CGNL1: variants seen among roughly 807,000 people sequenced by gnomAD.
CGNL1 encodes cingulin like 1, also known as cingulin-like protein 1.
CGNL1 carries 132 observed loss-of-function variants against 141.2 expected under a neutral mutation model. The observed-to-expected ratio is 0.93, with a 90% CI of 0.81 to 1.08. The LOEUF (loss-of-function observed/expected upper bound fraction) is 1.08. CGNL1 is among the 50% of genes least tolerant of loss of function. The probability of loss-of-function intolerance (pLI) is 0.00; values close to 1 mark genes in which losing one functional copy is unlikely to be tolerated. For synonymous variants in CGNL1, 690 were observed against 622.1 expected, an observed-to-expected ratio of 1.11 and a Z score of -1.63; for missense variants, 1,870 against 1,588.6, an observed-to-expected ratio of 1.18 and a Z score of -3.01.
intron 11 of CGNL1, 92 bp from the exon 12 acceptor site, chr15:57,524,489 A>G: frequency 8.5e-7 from 1 of 1,175,214 alleles, no homozygotes; most frequent in Non-Finnish European, 1.2e-6. Flanking sequence ...GAAGAAAGGG[A>G]GAAGAGGAGA....
intron 1 of CGNL1, among the ~76,000 whole-genome samples, chr15:57,419,536 C>G (rs2062889866): frequency 6.6e-6 from 1 of 151,908 alleles, no homozygotes; most frequent in African/African-American, 2.4e-5. Flanking sequence ...TTTTGATGAC[C>G]TTGACAGTTT....
chr15:57,381,735 G>C (rs912370248), intron 1 of CGNL1, among the ~76,000 whole-genome samples: 12 of 152,076 alleles, frequency 7.9e-5, no homozygotes, highest in African/African-American at 2.9e-4. Context: ...CCTTAGGTCT[G>C]AACTGATTTA....
chr15:57,526,180 CAA>C (rs112871468), intron 12 of CGNL1, among the ~76,000 whole-genome samples: 1 of 141,674 alleles, frequency 7.1e-6, no homozygotes, highest in Non-Finnish European at 1.5e-5. Flanking sequence ...CCTTCCAAAA[CAA>C]AAAAAAAAAA....
At chr15:57,473,144 C>T (rs1274488916) in intron 8 of CGNL1, among the ~76,000 whole-genome samples, 1 of 152,136 alleles carries the variant, frequency 6.6e-6, no homozygotes, top group African/African-American at 2.4e-5. Flanking sequence ...TTATAAATAG[C>T]CTGGGACAGT....
In CGNL1 at chr15:57,523,723, C is replaced by T. The variant is rs139332713; in HGVS notation, c.2868+82C>T. 6.7e-5 allele frequency: 98 copies of T among 1,473,166 alleles called. No homozygotes were observed. The East Asian group carries it at 1.9e-3, about 29-fold the overall frequency. 91.3% of individuals were successfully genotyped at this position (1,473,166 alleles called of 1,614,324 possible). ...TCCCCTCTGAGGGTCTGGTGAAAGCCTGGGAAACCTGCAGTAGGTCTAAGC... is the reference window on the plus strand; with the variant it reads ...TCCCCTCTGAGGGTCTGGTGAAAGCTTGGGAAACCTGCAGTAGGTCTAAGC... On this transcript the variant is annotated intron_variant, in intron 11 of 18. Coordinates refer to ENST00000281282, the MANE Select transcript of CGNL1 (RefSeq NM_032866.5).
intron 1 of CGNL1, among the ~76,000 whole-genome samples, chr15:57,403,310 C>G (rs1343372613): frequency 6.6e-6 from 1 of 152,184 alleles, no homozygotes; most frequent in Non-Finnish European, 1.5e-5. Flanking sequence ...TGGGCCAAGA[C>G]TCTGCTGCTA....
At chr15:57,510,114 G>A (rs1595780023) in intron 8 of CGNL1, among the ~76,000 whole-genome samples, 2 of 152,164 alleles carry the variant, frequency 1.3e-5, no homozygotes, top group East Asian at 3.8e-4. Flanking sequence ...TGCAGGTAGT[G>A]GCCTGAAGCC....
intron 17 of CGNL1, 29 bp downstream of exon 17, chr15:57,545,729 T>C: frequency 6.4e-7 from 1 of 1,563,136 alleles, no homozygotes; most frequent in Middle Eastern, 1.7e-4. Flanking sequence ...CATTTGCTCT[T>C]AGATGAGATT....
chr15:57,463,797 T>A (rs1270817683), intron 8 of CGNL1, among the ~76,000 whole-genome samples: 1 of 152,220 alleles, frequency 6.6e-6, no homozygotes, highest in Non-Finnish European at 1.5e-5. Flanking sequence ...CACCTCTTCA[T>A]ACGTGTAGAG....
intron 12 of CGNL1, among the ~76,000 whole-genome samples, chr15:57,526,541 C>T (rs1221286599): frequency 6.6e-6 from 1 of 152,012 alleles, no homozygotes; most frequent in Non-Finnish European, 1.5e-5. Context: ...GCTGCCTTTG[C>T]TTTGAGAGAA....
chr15:57,522,051 C>A (rs1476469696), intron 10 of CGNL1, among the ~76,000 whole-genome samples: 1 of 152,210 alleles, frequency 6.6e-6, no homozygotes, highest in Admixed American at 6.5e-5. Flanking sequence ...AACAGAAACC[C>A]CAGGTTTGAC....
At chr15:57,545,437 G>A (rs1331906736) in intron 16 of CGNL1, among the ~76,000 whole-genome samples, 155 bp from the exon 17 acceptor site, 1 of 152,208 alleles carries the variant, frequency 6.6e-6, no homozygotes, top group Non-Finnish European at 1.5e-5. Flanking sequence ...TCTCTCACAA[G>A]CAGCTTTTTC....
intron 15 of CGNL1, 88 bp downstream of exon 15, chr15:57,543,867 T>G: frequency 2.1e-6 from 2 of 971,010 alleles, no homozygotes; most frequent in Non-Finnish European, 3.2e-6. Flanking sequence ...CCCTTGGAGG[T>G]CCCTCCTTTA....
chr15:57,513,015 A>G (rs541455856), intron 8 of CGNL1, among the ~76,000 whole-genome samples: 3 of 152,058 alleles, frequency 2.0e-5, no homozygotes, highest in East Asian at 3.9e-4. Context: ...TAATTCAACT[A>G]TTGAAATTGT....
Position 57,461,685 on chromosome 15 carries a change from C to T in CGNL1, c.2196C>T (p.Leu732=), listed in dbSNP as rs1358250284. The T allele has an allele frequency of 1.2e-6, 2 of 1,613,882 alleles. No homozygotes were observed. Among genetic ancestry groups the T allele is most frequent in the Non-Finnish European group, 1.7e-6 (2 of 1,179,922 alleles). Residue 732 remains leucine, a synonymous_variant, in exon 8 of 19, where the codon CTC becomes CTT. Transcript: ENST00000281282. ...DREKGALIEE[L]LQAKQDLQDL... ...TTCGTGTTTCCTCTCTCTAGGAGCTCTTACAGGCAAAACAGGATCTTCAAG... is the reference window on the plus strand; with the variant it reads ...TTCGTGTTTCCTCTCTCTAGGAGCTTTTACAGGCAAAACAGGATCTTCAAG...
chr15:57,507,878 C>A (rs944598468), intron 8 of CGNL1, among the ~76,000 whole-genome samples: 1 of 152,202 alleles, frequency 6.6e-6, no homozygotes. Context: ...ACTGTTAGAG[C>A]TGGCCAGGAC....
rs139147195 is a variant in CGNL1 at position 57,379,428 on chromosome 15, C to A, written c.-16+2861C>A. ...AAGGGGATACAGCAACTAGAAAAGG[C>A]CTTGGGTTTGTGTTAAGAATTTATT... On this transcript the variant is annotated intron_variant, in intron 1 of 18. Transcript: ENST00000281282. 1.6e-3 allele frequency among the ~76,000 whole-genome samples: 249 copies of A among 152,168 alleles called. 2 individuals are homozygous for A. Among genetic ancestry groups the A allele is most frequent in the African/African-American group, 5.9e-3 (244 of 41,526 alleles).
chr15:57,461,395 G>A (rs779530850), intron 7 of CGNL1, among the ~76,000 whole-genome samples: 3 of 152,282 alleles, frequency 2.0e-5, no homozygotes, highest in East Asian at 1.9e-4. Flanking sequence ...AGATACAGAC[G>A]TGTTCCCCAA....
At chr15:57,467,716 T>A in intron 8 of CGNL1, among the ~76,000 whole-genome samples, 1 of 128,448 alleles carries the variant, frequency 7.8e-6, no homozygotes. Flanking sequence ...TGAGATGGAG[T>A]CTGACTCTTG....
Sources: gnomAD v4.1 joint callset for allele counts (sites outside exome capture counted in the v4.1 genomes callset) on GRCh38, gnomAD v4.1.1 for gene constraint, MANE v1.5 for transcripts, NCBI Gene and HGNC (gene_info 2026-07-23, HGNC 2026-07-21) for gene names.